The following RAD50 variants were observed in gnomAD, a reference collection of about 807,000 sequenced individuals.
RAD50 encodes DNA repair protein RAD50.
RAD50 carries 132 observed loss-of-function variants against 168.8 expected under a neutral mutation model. That is an observed-to-expected ratio of 0.78 (90% confidence interval 0.68 to 0.90). The LOEUF (loss-of-function observed/expected upper bound fraction) is 0.90, where lower values mean the gene tolerates loss of function less well. RAD50 is among the 40% of genes least tolerant of loss of function. RAD50 has a pLI of 0.00. For missense variants in RAD50, 1,347 were observed against 1,534.4 expected (o/e 0.88, Z 2.04); for synonymous variants, 525 against 497.4 (o/e 1.06, Z -0.74).
intron 2 of RAD50, among the ~76,000 whole-genome samples, chr5:132,559,800 G>A (rs1040567953): frequency 2.6e-5 from 4 of 152,144 alleles, no homozygotes; most frequent in Non-Finnish European, 5.9e-5. Flanking sequence ...TGATAAGCCA[G>A]GCTTGGGGGT....
chr5:132,595,478 A>C (rs1256119594), intron 12 of RAD50, 95 bp from the exon 13 acceptor site: 1 of 748,466 alleles, frequency 1.3e-6, no homozygotes, highest in Non-Finnish European at 2.1e-6. Flanking sequence ...AAGCAAGAAT[A>C]ATCATATATT....
rs1219258609 is a variant in RAD50 at position 132,646,111 on chromosome 5, AAAG to A, written c.*3748_*3750del. The A allele has an allele frequency of 4.0e-5, 6 of 150,772 alleles. No homozygotes were observed. Among genetic ancestry groups the A allele is most frequent in the Non-Finnish European group, 8.8e-5 (6 of 67,996 alleles). 9.3% of individuals were successfully genotyped at this position (150,772 alleles called of 1,614,324 possible). Reference sequence around the variant, plus strand: ...AAAAGACAAAAAAAAAAAAAAAAAAAAAGCAGCAGCAGCTGAAAGTTGGCAGGA... The same window carrying A: ...AAAAGACAAAAAAAAAAAAAAAAAAACAGCAGCAGCTGAAAGTTGGCAGGA... On this transcript the variant is annotated 3_prime_UTR_variant, in exon 25 of 25. Coordinates refer to ENST00000378823, the MANE Select transcript of RAD50 (RefSeq NM_005732.4).
At chr5:132,588,628 C>G (rs2149840938) in intron 7 of RAD50, 59 bp from the exon 8 acceptor site, 1 of 1,468,344 alleles carries the variant, frequency 6.8e-7, no homozygotes, top group East Asian at 2.3e-5. Flanking sequence ...GAATCTGCAG[C>G]TATCTCAACT....
At chr5:132,563,379 G>A (rs747327744) in intron 2 of RAD50, among the ~76,000 whole-genome samples, 1 of 152,220 alleles carries the variant, frequency 6.6e-6, no homozygotes. Context: ...TATATGATTG[G>A]AAACTTTAGT....
chr5:132,580,289 C>T (rs1283274258), intron 5 of RAD50, among the ~76,000 whole-genome samples: 1 of 152,098 alleles, frequency 6.6e-6, no homozygotes, highest in East Asian at 1.9e-4. Flanking sequence ...TTCTTGTATA[C>T]TAAATAGGTA....
At position 132,644,583 on chromosome 5, in the gene RAD50, T is replaced by C. The variant is rs79275882; in HGVS notation, c.*2219T>C. 1 of 183,038 alleles carries C rather than the reference T, an allele frequency of 5.5e-6. No homozygotes were observed. The highest frequency in any genetic ancestry group is 1.2e-5 in the Non-Finnish European group (1 of 86,024). The allele number at this position is 183,038 out of a possible 1,614,324, so 11.3% of individuals were successfully genotyped here. A position where few individuals can be genotyped will look rare whatever the true frequency, so the allele number is the denominator to read the frequency against. The stretch of plus-strand genomic sequence containing the variant: ...TTAGAACTGCTTGCCACCTACTAAA[T>C]ACTGTGTAAGTGTTCAAGAAAAAGC... On this transcript the variant is annotated 3_prime_UTR_variant, in exon 25 of 25. Coordinates refer to ENST00000378823, the MANE Select transcript of RAD50 (RefSeq NM_005732.4).
chr5:132,610,027 GTATATA>G (rs10598599), intron 19 of RAD50, among the ~76,000 whole-genome samples: 1 of 148,388 alleles, frequency 6.7e-6, no homozygotes, highest in African/African-American at 2.5e-5. Context: ...AGGTGTGTGT[GTATATA>G]TATATATATA....
Position 132,604,034 on chromosome 5 carries a change from A to T in RAD50, c.2512A>T (p.Lys838Ter), listed in dbSNP as rs770673111. 2 of 1,613,696 alleles carry T rather than the reference A, an allele frequency of 1.2e-6. No homozygotes were observed. Among genetic ancestry groups the T allele is most frequent in the South Asian group, 2.2e-5 (2 of 91,074 alleles). ...VNQEKQEKQH[K>*]LDTVSSKIEL... The stretch of plus-strand genomic sequence containing the variant: ...CCAGGAGAAACAAGAGAAACAGCAC[A>T]AGTTAGACACAGGTAATACAGTCTG... Residue 838 changes from lysine to a stop codon, truncating the protein, a stop_gained, in exon 15 of 25, where the codon AAG becomes TAG. Coordinates refer to ENST00000378823, the MANE Select transcript of RAD50 (RefSeq NM_005732.4). LOFTEE classifies it high-confidence loss of function.
At position 132,557,206 on chromosome 5, in the gene RAD50, G is replaced by A; in HGVS notation, c.-119G>A. On this transcript the variant is annotated 5_prime_UTR_variant, in exon 1 of 25. Coordinates refer to ENST00000378823, the MANE Select transcript of RAD50 (RefSeq NM_005732.4). The stretch of plus-strand genomic sequence containing the variant: ...TGGCAGTCCTGTGGCCTCGCTCCCC[G>A]CCCGGATCCTCCTGACCCTGAGATT... 17 of 1,413,298 alleles carry A rather than the reference G, an allele frequency of 1.2e-5. No homozygotes were observed. Among genetic ancestry groups the A allele is most frequent in the Non-Finnish European group, 9.0e-6 (9 of 1,004,692 alleles). The allele number at this position is 1,413,298 out of a possible 1,614,324, so 87.5% of individuals were successfully genotyped here.
At chr5:132,631,044 C>T (rs78638573) in intron 21 of RAD50, among the ~76,000 whole-genome samples, 2,967 of 151,496 alleles carry the variant, frequency 0.02, 76 homozygotes, top group African/African-American at 0.061. Flanking sequence ...ATCTTTCAGA[C>T]TCTTAATGAG....
intron 19 of RAD50, among the ~76,000 whole-genome samples, chr5:132,614,236 G>T (rs1011997876): frequency 4.6e-5 from 7 of 152,170 alleles, no homozygotes; most frequent in Non-Finnish European, 2.9e-5. Flanking sequence ...ATGCAATTGT[G>T]AAAACAAATT....
In RAD50 at chr5:132,579,329, GGTCA is replaced by G; in HGVS notation, c.382_385del (p.Ser128Ter). ...TCATTTTCTGTAGGCATGGTGAAAA[GGTCA>G]GTCTGAGCTCTAAGTGTGCAGAAAT... On this transcript the variant is annotated frameshift_variant, in exon 4 of 25. Coordinates refer to ENST00000378823, the MANE Select transcript of RAD50 (RefSeq NM_005732.4). LOFTEE classifies it high-confidence loss of function. 6.2e-7 allele frequency: 1 copy of G among 1,613,838 alleles called. No homozygotes were observed. Among genetic ancestry groups the G allele is most frequent in the Non-Finnish European group, 8.5e-7 (1 of 1,179,842 alleles).
At chr5:132,583,063 C>G (rs1750532844) in intron 5 of RAD50, among the ~76,000 whole-genome samples, 1 of 152,148 alleles carries the variant, frequency 6.6e-6, no homozygotes, top group African/African-American at 2.4e-5. Context: ...TGTAGAGTAT[C>G]ATAGTAGAGC....
chr5:132,640,220 T>A (rs568565145), intron 23 of RAD50, among the ~76,000 whole-genome samples: 1 of 152,334 alleles, frequency 6.6e-6, no homozygotes, highest in Admixed American at 6.5e-5. Context: ...TATGGAAATT[T>A]AAAGGTAGCA....
intron 19 of RAD50, among the ~76,000 whole-genome samples, chr5:132,614,554 G>A (rs1186183856): frequency 1.3e-5 from 2 of 151,338 alleles, no homozygotes; most frequent in Non-Finnish European, 2.9e-5. Flanking sequence ...TATATAAAAT[G>A]GCATATCTAG....
intron 2 of RAD50, among the ~76,000 whole-genome samples, chr5:132,575,059 A>G (rs549234006): frequency 1.3e-5 from 2 of 152,034 alleles, no homozygotes; most frequent in Non-Finnish European, 2.9e-5. Context: ...TCGCTTTCAC[A>G]TTTTCGGATA....
intron 1 of RAD50, among the ~76,000 whole-genome samples, chr5:132,558,116 G>C (rs1366901271): frequency 6.6e-6 from 1 of 152,138 alleles, no homozygotes; most frequent in Non-Finnish European, 1.5e-5. Context: ...GACGATGTCA[G>C]TATAGCAGGG....
At chr5:132,634,546 A>G (rs1263994143) in intron 21 of RAD50, among the ~76,000 whole-genome samples, 3 of 152,134 alleles carry the variant, frequency 2.0e-5, no homozygotes, top group Middle Eastern at 3.4e-3. Context: ...CTTTTTAGGT[A>G]GGGATTTGAA....
intron 13 of RAD50, among the ~76,000 whole-genome samples, chr5:132,597,206 G>A (rs1403745043): frequency 6.6e-6 from 1 of 152,168 alleles, no homozygotes; most frequent in Non-Finnish European, 1.5e-5. Context: ...GAAAACCAAG[G>A]AGGAGTTTCA....
Sources: gnomAD v4.1 joint callset for allele counts (sites outside exome capture counted in the v4.1 genomes callset) on GRCh38, gnomAD v4.1.1 for gene constraint, MANE v1.5 for transcripts, NCBI Gene and HGNC (gene_info 2026-07-23, HGNC 2026-07-21) for gene names.